The following OR56B2 variants were observed in gnomAD, a reference collection of about 807,000 sequenced individuals.
OR56B2 encodes the protein olfactory receptor family 56 subfamily B member 2.
chr11:5,763,921 A>C, the OR56B2 span, among the ~76,000 whole-genome samples: 19 of 140,426 alleles, frequency 1.4e-4, 7 homozygotes, highest in Non-Finnish European at 2.5e-4. Flanking sequence ...AAGCATTAAA[A>C]TTTGTAGAAA....
chr11:5,761,454 A>T, the OR56B2 span, among the ~76,000 whole-genome samples: 1 of 152,200 alleles, frequency 6.6e-6, no homozygotes, highest in Non-Finnish European at 1.5e-5. Flanking sequence ...GATATTTCAT[A>T]ACCACTATGT....
At chr11:5,762,516 G>A in the OR56B2 span, among the ~76,000 whole-genome samples, 5 of 151,720 alleles carry the variant, frequency 3.3e-5, no homozygotes, top group East Asian at 3.9e-4. Context: ...ATTTATGATC[G>A]GTAATCTCTT....
At chr11:5,765,741 G>A in the OR56B2 span, 3 of 139,958 alleles carry the variant, frequency 2.1e-5, 1 homozygote, top group South Asian at 7.0e-4. Flanking sequence ...GACACTCATG[G>A]GAAGTGACCT....
the OR56B2 span, among the ~76,000 whole-genome samples, chr11:5,761,770 T>C: frequency 3.9e-5 from 6 of 152,148 alleles, no homozygotes; most frequent in African/African-American, 9.7e-5. Context: ...ATATTAATTA[T>C]CCCATCTTGC....
the OR56B2 span, among the ~76,000 whole-genome samples, chr11:5,763,167 T>G: frequency 6.6e-6 from 1 of 152,138 alleles, no homozygotes; most frequent in Non-Finnish European, 1.5e-5. Flanking sequence ...GCATATGAAT[T>G]ACCTCTTTCA....
the OR56B2 span, among the ~76,000 whole-genome samples, chr11:5,762,030 C>T: frequency 6.6e-6 from 1 of 152,030 alleles, no homozygotes; most frequent in African/African-American, 2.4e-5. Context: ...CTCACATACA[C>T]CTGCCAAGAA....
chr11:5,767,058 A>C, the OR56B2 span: 1 of 139,996 alleles, frequency 7.1e-6, no homozygotes, highest in Non-Finnish European at 1.6e-5. Context: ...TATTTAGCTC[A>C]TAGTTCTGCA....
the OR56B2 span, among the ~76,000 whole-genome samples, chr11:5,761,708 C>A: frequency 6.6e-6 from 1 of 152,012 alleles, no homozygotes; most frequent in African/African-American, 2.4e-5. Flanking sequence ...ATACCTGGTA[C>A]CAGTTTCATG....
At chr11:5,763,824 C>G in the OR56B2 span, among the ~76,000 whole-genome samples, 10,781 of 139,458 alleles carry the variant, frequency 0.077, 2,167 homozygotes, top group African/African-American at 0.11. Context: ...ATACGTATAT[C>G]AACTCAATGA....
At chr11:5,766,460 T>G in the OR56B2 span, 8 of 140,558 alleles carry the variant, frequency 5.7e-5, no homozygotes, top group Non-Finnish European at 1.3e-4. Flanking sequence ...TAGGAGATAC[T>G]TCTGCATTTT....
the OR56B2 span, among the ~76,000 whole-genome samples, chr11:5,768,116 T>C: frequency 7.2e-6 from 1 of 138,714 alleles, no homozygotes; most frequent in Admixed American, 7.4e-5. Flanking sequence ...ATGTATAGCC[T>C]GGCTGTGGTG....
the OR56B2 span, among the ~76,000 whole-genome samples, chr11:5,767,744 G>A: frequency 7.2e-6 from 1 of 139,296 alleles, no homozygotes; most frequent in Non-Finnish European, 1.6e-5. Flanking sequence ...TGAAGTACTC[G>A]TACAATCTGC....
chr11:5,761,614 T>G, the OR56B2 span, among the ~76,000 whole-genome samples: 25,741 of 152,142 alleles, frequency 0.17, 2,331 homozygotes, highest in East Asian at 0.25. Context: ...TATTTAGCTT[T>G]TGTATTAGAC....
At chr11:5,765,640 T>C in the OR56B2 span, 19 of 141,006 alleles carry the variant, frequency 1.3e-4, no homozygotes, top group East Asian at 4.1e-4. Flanking sequence ...CAGAATCAAA[T>C]TGAGCACTGT....
chr11:5,761,695 A>T, the OR56B2 span, among the ~76,000 whole-genome samples: 2 of 152,160 alleles, frequency 1.3e-5, no homozygotes, highest in Non-Finnish European at 2.9e-5. Context: ...TTGCTGACAC[A>T]TAATACCTGG....
chr11:5,761,655 A>G, the OR56B2 span, among the ~76,000 whole-genome samples: 3 of 152,114 alleles, frequency 2.0e-5, no homozygotes, highest in Non-Finnish European at 2.9e-5. Flanking sequence ...TTGAGTTTTT[A>G]TGCATATTCC....
At chr11:5,767,713 C>T in the OR56B2 span, among the ~76,000 whole-genome samples, 3 of 139,108 alleles carry the variant, frequency 2.2e-5, 1 homozygote, top group African/African-American at 7.9e-5. Flanking sequence ...ATTCTCCCAA[C>T]AACAAACAAA....
At chr11:5,762,274 T>C in the OR56B2 span, among the ~76,000 whole-genome samples, 2 of 152,140 alleles carry the variant, frequency 1.3e-5, no homozygotes, top group African/African-American at 4.8e-5. Flanking sequence ...TGATTTACTA[T>C]ACTCTCTAGC....
chr11:5,762,799 GTATTT>G, the OR56B2 span, among the ~76,000 whole-genome samples: 2 of 151,720 alleles, frequency 1.3e-5, no homozygotes, highest in African/African-American at 4.8e-5. Flanking sequence ...TTTTGTTTAC[GTATTT>G]ATTTAAAGAA....
Sources: gnomAD v4.1 joint callset for allele counts (sites outside exome capture counted in the v4.1 genomes callset) on GRCh38, gnomAD v4.1.1 for gene constraint, MANE v1.5 for transcripts, NCBI Gene and HGNC (gene_info 2026-07-23, HGNC 2026-07-21) for gene names.